Variants in TCF4 observed in about 807,000 individuals in gnomAD.
The protein encoded by TCF4 is transcription factor 4.
A neutral mutation model predicts 82.1 loss-of-function variants in TCF4; 3 were observed. That is an observed-to-expected ratio of 0.04 (90% CI 0.02 to 0.09). The LOEUF (loss-of-function observed/expected upper bound fraction) is 0.09, where lower values mean the gene tolerates loss of function less well. Ranked by LOEUF, TCF4 falls within the 10% of genes least tolerant of loss-of-function variation. The pLI is 1.00. For missense variants in TCF4, 518 were observed against 852.7 expected (o/e 0.61, Z 4.89); for synonymous variants, 276 against 309.6 (o/e 0.89, Z 1.14).
chr18:55,417,439 A>C lies in TCF4; in HGVS notation c.305-13921T>G, dbSNP rs73477253. Among the ~76,000 whole-genome samples, 415 of 152,346 alleles carry C rather than the reference A, an allele frequency of 2.7e-3. 2 individuals are homozygous for C. The highest frequency in any genetic ancestry group is 9.8e-3 in the African/African-American group (408 of 41,590). On this transcript the variant is annotated intron_variant, in intron 5 of 19. Transcript: ENST00000354452. ...AGGGCATTTAAATGAAACTGATAGAACATTAAGTAAAACTAGTTTTCAATA... is the reference window on the plus strand; with the variant it reads ...AGGGCATTTAAATGAAACTGATAGACCATTAAGTAAAACTAGTTTTCAATA...
At chr18:55,425,965 C>T (rs2094961381) in intron 5 of TCF4, among the ~76,000 whole-genome samples, 1 of 152,094 alleles carries the variant, frequency 6.6e-6, no homozygotes, top group African/African-American at 2.4e-5. Flanking sequence ...CTACTTTATT[C>T]TTGGAGATTT....
At chr18:55,268,103 CCTCT>C (rs1196200359) in intron 11 of TCF4, 1 of 152,086 alleles carries the variant, frequency 6.6e-6, no homozygotes, top group African/African-American at 2.4e-5. Context: ...AGTCATAGTG[CCTCT>C]CTCTCAAGAG....
At chr18:55,278,170 C>A (rs186821642) in intron 9 of TCF4, among the ~76,000 whole-genome samples, 4 of 152,138 alleles carry the variant, frequency 2.6e-5, no homozygotes, top group Admixed American at 6.5e-5. Context: ...AGATTAGTAT[C>A]TTTTAATGAG....
At chr18:55,434,491 C>T (rs2095280875) in intron 5 of TCF4, among the ~76,000 whole-genome samples, 1 of 145,084 alleles carries the variant, frequency 6.9e-6, no homozygotes, top group Non-Finnish European at 1.5e-5. Flanking sequence ...GCGATCTCGG[C>T]TCACTGCAAG....
chr18:55,359,503 GC>G (rs1415830637), intron 6 of TCF4, among the ~76,000 whole-genome samples: 1 of 152,088 alleles, frequency 6.6e-6, no homozygotes, highest in Non-Finnish European at 1.5e-5. Flanking sequence ...AACAGGGTGG[GC>G]CCCGGTACAC....
chr18:55,450,975 AT>A (rs2095611608), intron 5 of TCF4, among the ~76,000 whole-genome samples: 2 of 152,322 alleles, frequency 1.3e-5, no homozygotes, highest in South Asian at 4.2e-4. Flanking sequence ...GTAGGCAAAT[AT>A]TTCACAAAAG....
chr18:55,295,478 T>C (rs1438657099), intron 8 of TCF4, among the ~76,000 whole-genome samples: 1 of 152,194 alleles, frequency 6.6e-6, no homozygotes, highest in Non-Finnish European at 1.5e-5. Flanking sequence ...CACTTCTATC[T>C]TTCAGCAACA....
chr18:55,420,843 C>T (rs2094713467), intron 5 of TCF4, among the ~76,000 whole-genome samples: 1 of 150,708 alleles, frequency 6.6e-6, no homozygotes, highest in Non-Finnish European at 1.5e-5. Flanking sequence ...TTAAATGAGC[C>T]CCAAATTCAG....
At chr18:55,616,530 G>A (rs1017461677) in intron 2 of TCF4, among the ~76,000 whole-genome samples, 3 of 152,024 alleles carry the variant, frequency 2.0e-5, no homozygotes, top group African/African-American at 7.2e-5. Context: ...ATTCTTTAAG[G>A]AGTCTGTATA....
chr18:55,458,022 T>C (rs767130195), intron 5 of TCF4, among the ~76,000 whole-genome samples: 13 of 152,124 alleles, frequency 8.5e-5, no homozygotes, highest in Non-Finnish European at 1.3e-4. Context: ...TTTTCTTTCT[T>C]TGCAATAAAA....
rs1439519551 is a variant in TCF4 at position 55,318,471 on chromosome 18, C to T, written c.549+31888G>A. On this transcript the variant is annotated intron_variant, in intron 8 of 19. Coordinates refer to ENST00000354452, the MANE Select transcript of TCF4 (RefSeq NM_001083962.2). ...TTTTTTTTAAGCTTAGATTTGGATC[C>T]GTTAGTATTTAAACCTCTAATGCAT... 2.0e-5 allele frequency among the ~76,000 whole-genome samples: 3 copies of T among 151,456 alleles called. 1 individual carries two copies. Among genetic ancestry groups the T allele is most frequent in the South Asian group, 4.2e-4 (2 of 4,806 alleles).
chr18:55,614,973 T>A (rs901422606), intron 2 of TCF4, among the ~76,000 whole-genome samples: 2 of 152,174 alleles, frequency 1.3e-5, no homozygotes, highest in Non-Finnish European at 2.9e-5. Flanking sequence ...TGATTTTGCT[T>A]AAGGATATCC....
At chr18:55,461,880 A>T (rs920880917) in intron 4 of TCF4, among the ~76,000 whole-genome samples, 1 of 152,190 alleles carries the variant, frequency 6.6e-6, no homozygotes, top group Non-Finnish European at 1.5e-5. Context: ...ACTTAATTTT[A>T]ATGGGGAAAT....
intron 3 of TCF4, among the ~76,000 whole-genome samples, chr18:55,512,486 T>A (rs2096838472): frequency 6.6e-6 from 1 of 152,122 alleles, no homozygotes; most frequent in South Asian, 2.1e-4. Context: ...TGAGGATACG[T>A]TACATTTTAA....
At chr18:55,479,338 C>T (rs2096371562) in intron 3 of TCF4, 1 of 154,276 alleles carries the variant, frequency 6.5e-6, no homozygotes, top group Admixed American at 6.5e-5. Flanking sequence ...CTCTGGAAGA[C>T]ACTGGATTTT....
intron 2 of TCF4, among the ~76,000 whole-genome samples, chr18:55,622,198 TTC>T (rs1159689067): frequency 6.7e-6 from 1 of 149,616 alleles, no homozygotes; most frequent in African/African-American, 2.5e-5. Context: ...CCCTCTTCTT[TTC>T]TTTTATGTAG....
chr18:55,367,113 G>A (rs745366868), intron 6 of TCF4, among the ~76,000 whole-genome samples: 9 of 152,090 alleles, frequency 5.9e-5, no homozygotes, highest in South Asian at 4.1e-4. Flanking sequence ...TCTGTAATAC[G>A]TGTTGCACAT....
chr18:55,617,811 CTGTGTGTG>C (rs74182107), intron 2 of TCF4, among the ~76,000 whole-genome samples: 241 of 140,682 alleles, frequency 1.7e-3, no homozygotes, highest in African/African-American at 5.3e-3. Context: ...TTAATTCTAA[CTGTGTGTG>C]TGTGTGTGTG....
At chr18:55,461,212 A>G in intron 4 of TCF4, 97 bp from the exon 5 acceptor site, 1 of 981,826 alleles carries the variant, frequency 1.0e-6, no homozygotes, top group East Asian at 2.6e-5. Context: ...CCTCCAAAGA[A>G]ATTGGAGTCC....
Sources: allele counts gnomAD v4.1 joint callset (sites outside exome capture counted in the v4.1 genomes callset), GRCh38; gene constraint gnomAD v4.1.1; transcripts MANE v1.5; gene names NCBI Gene and HGNC (gene_info 2026-07-23, HGNC 2026-07-21).